Variants in MBOAT2 observed in about 807,000 individuals in gnomAD.
MBOAT2 encodes the protein membrane-bound glycerophospholipid O-acyltransferase 2.
Under a neutral mutation model 63.4 loss-of-function variants are expected in MBOAT2, and 28 were observed. The ratio of observed to expected loss-of-function variants is 0.44; its 90% confidence interval spans 0.33 to 0.61. MBOAT2 has a LOEUF of 0.61. MBOAT2 is among the 20% of genes least tolerant of loss of function. The pLI is 0.03. For missense variants in MBOAT2, 470 were observed against 605.8 expected, an observed-to-expected ratio of 0.78 and a Z score of 2.35; for synonymous variants, 211 against 215.6, an observed-to-expected ratio of 0.98 and a Z score of 0.19.
chr2:8,957,025 T>C (rs966675320), intron 2 of MBOAT2, among the ~76,000 whole-genome samples: 1 of 152,224 alleles, frequency 6.6e-6, no homozygotes, highest in Non-Finnish European at 1.5e-5. Context: ...TATGAAAATA[T>C]GCTACACAAA....
chr2:8,972,453 C>T (rs1670520287), intron 1 of MBOAT2, among the ~76,000 whole-genome samples: 2 of 152,292 alleles, frequency 1.3e-5, no homozygotes, highest in South Asian at 4.1e-4. Context: ...AGGACATAGG[C>T]ATGGGCAAGG....
At chr2:9,001,389 C>CT (rs1672679438) in intron 1 of MBOAT2, among the ~76,000 whole-genome samples, 1 of 152,184 alleles carries the variant, frequency 6.6e-6, no homozygotes. Flanking sequence ...TTTGTTTACA[C>CT]TGGCATCACC....
intron 3 of MBOAT2, among the ~76,000 whole-genome samples, chr2:8,934,383 G>A (rs1667517926): frequency 6.6e-6 from 1 of 151,942 alleles, no homozygotes; most frequent in African/African-American, 2.4e-5. Context: ...AAAGCCCTGG[G>A]TGGAATGGGA....
chr2:8,945,835 AAG>A (rs947943343), intron 2 of MBOAT2, among the ~76,000 whole-genome samples: 2 of 152,180 alleles, frequency 1.3e-5, no homozygotes, highest in Non-Finnish European at 2.9e-5. Context: ...AGAAAAAAAA[AAG>A]AGCACAGGTT....
intron 3 of MBOAT2, among the ~76,000 whole-genome samples, chr2:8,910,236 TA>T (rs1360733778): frequency 1.3e-5 from 2 of 151,948 alleles, no homozygotes; most frequent in African/African-American, 4.8e-5. Flanking sequence ...GGGTTGGGTG[TA>T]GGTCCTAATC....
At chr2:8,905,750 C>T (rs10188257) in intron 4 of MBOAT2, among the ~76,000 whole-genome samples, 10,265 of 152,144 alleles carry the variant, frequency 0.067, 378 homozygotes, top group Middle Eastern at 0.095. Context: ...CACATGTATA[C>T]GTATGTAACA....
chr2:8,983,842 T>C (rs987168371), intron 1 of MBOAT2, among the ~76,000 whole-genome samples: 5 of 152,168 alleles, frequency 3.3e-5, no homozygotes, highest in African/African-American at 9.7e-5. Context: ...AAATTGTACT[T>C]GGAACTTTTC....
chr2:8,958,730 C>T (rs1464228123), intron 1 of MBOAT2, 88 bp from the exon 2 acceptor site: 58 of 1,282,944 alleles, frequency 4.5e-5, no homozygotes, highest in Non-Finnish European at 5.8e-5. Flanking sequence ...GACAAAAACA[C>T]CAAGGTTACA....
intron 6 of MBOAT2, 110 bp downstream of exon 6, chr2:8,882,401 T>G (rs1663204707): frequency 1.8e-6 from 2 of 1,098,030 alleles, no homozygotes; most frequent in Non-Finnish European, 2.7e-6. Flanking sequence ...AGGCTTGATT[T>G]TCAGAAGTAA....
intron 1 of MBOAT2, among the ~76,000 whole-genome samples, chr2:9,001,555 A>G (rs1216971729): frequency 1.3e-5 from 2 of 152,210 alleles, no homozygotes; most frequent in African/African-American, 4.8e-5. Context: ...CGACTGTGCT[A>G]TACAAAGTCA....
chr2:8,991,831 T>C (rs920318210), intron 1 of MBOAT2, among the ~76,000 whole-genome samples: 2 of 152,220 alleles, frequency 1.3e-5, no homozygotes, highest in Admixed American at 6.5e-5. Flanking sequence ...AAATCAGCTT[T>C]GGCAGCACCA....
chr2:8,864,095 C>T, intron 10 of MBOAT2, 75 bp downstream of exon 10: 1 of 1,037,368 alleles, frequency 9.6e-7, no homozygotes, highest in Non-Finnish European at 1.4e-6. Flanking sequence ...TAATCAAGAA[C>T]CTGAACTCAA....
intron 5 of MBOAT2, among the ~76,000 whole-genome samples, chr2:8,883,099 T>C (rs1663264874): frequency 6.6e-6 from 1 of 152,164 alleles, no homozygotes; most frequent in South Asian, 2.1e-4. Context: ...TAGATCCATA[T>C]GCTTTAAAAA....
intron 4 of MBOAT2, among the ~76,000 whole-genome samples, chr2:8,898,201 T>C (rs1232413092): frequency 1.3e-5 from 2 of 152,178 alleles, no homozygotes; most frequent in Admixed American, 6.5e-5. Flanking sequence ...AAGCTGGAGC[T>C]TGTACTAGGG....
chr2:8,981,942 C>T (rs1339841433), intron 1 of MBOAT2, among the ~76,000 whole-genome samples: 1 of 152,068 alleles, frequency 6.6e-6, no homozygotes, highest in African/African-American at 2.4e-5. Context: ...GCACACAAAA[C>T]TCAATGGTTA....
intron 1 of MBOAT2, among the ~76,000 whole-genome samples, chr2:8,980,559 G>A (rs892426413): frequency 6.6e-6 from 1 of 152,098 alleles, no homozygotes; most frequent in Non-Finnish European, 1.5e-5. Context: ...GACTGAGGTG[G>A]AAAAGGTTCA....
chr2:8,976,731 T>C (rs1053722578), intron 1 of MBOAT2, among the ~76,000 whole-genome samples: 7 of 152,062 alleles, frequency 4.6e-5, no homozygotes, highest in Non-Finnish European at 8.8e-5. Context: ...TCTTAGGTGG[T>C]TACAAATAAT....
chr2:8,907,088 A>G (rs1665385439), intron 4 of MBOAT2, among the ~76,000 whole-genome samples: 1 of 152,234 alleles, frequency 6.6e-6, no homozygotes, highest in South Asian at 2.1e-4. Context: ...TCAACATTAA[A>G]CTAAATTAAT....
At chr2:8,916,036 C>T (rs532598227) in intron 3 of MBOAT2, among the ~76,000 whole-genome samples, 119 of 152,300 alleles carry the variant, frequency 7.8e-4, no homozygotes, top group African/African-American at 2.8e-3. Flanking sequence ...TTTGGAAAGG[C>T]CTTTCTTACT....
Sources: allele counts gnomAD v4.1 joint callset (sites outside exome capture counted in the v4.1 genomes callset), GRCh38; gene constraint gnomAD v4.1.1; transcripts MANE v1.5; gene names NCBI Gene and HGNC (gene_info 2026-07-23, HGNC 2026-07-21).